ARRB1: variants seen among roughly 807,000 people sequenced by gnomAD.
ARRB1 encodes the protein arrestin beta 1, also known as beta-arrestin-1.
ARRB1 carries 21 observed loss-of-function variants against 56.8 expected under a neutral mutation model. The observed-to-expected ratio is 0.37, with a 90% CI of 0.26 to 0.53. The LOEUF is 0.53. Among genes scored for constraint, ARRB1 ranks in the 20% least tolerant of loss-of-function variants. The pLI is 0.88. For synonymous variants in ARRB1, 210 were observed against 218.6 expected (o/e 0.96, Z 0.35); for missense variants, 424 against 553.7 (o/e 0.77, Z 2.35).
intron 2 of ARRB1, among the ~76,000 whole-genome samples, chr11:75,288,086 T>C (rs1789686): frequency 0.87 from 131,708 of 152,144 alleles, 57,132 homozygotes; most frequent in Non-Finnish European, 0.89. Context: ...TGGTCTCAAA[T>C]TCCTGACCTC....
intron 13 of ARRB1, 67 bp downstream of exon 13, chr11:75,271,634 C>T: frequency 1.3e-6 from 2 of 1,490,304 alleles, no homozygotes; most frequent in Non-Finnish European, 1.8e-6. Flanking sequence ...TGATTCTGGT[C>T]AGTCAAGCCA....
intron 1 of ARRB1, among the ~76,000 whole-genome samples, chr11:75,304,783 G>C (rs922206856): frequency 1.1e-4 from 17 of 151,528 alleles, no homozygotes; most frequent in African/African-American, 3.9e-4. Context: ...GAGAAACCCT[G>C]CTTGGAGCAG....
chr11:75,326,772 A>G (rs1565141314), intron 1 of ARRB1, among the ~76,000 whole-genome samples: 1 of 139,914 alleles, frequency 7.1e-6, no homozygotes, highest in Non-Finnish European at 1.5e-5. Context: ...AGCCCAGGCT[A>G]GAGTGCAGGG....
At chr11:75,326,803 A>G (rs1209518129) in intron 1 of ARRB1, among the ~76,000 whole-genome samples, 2 of 146,796 alleles carry the variant, frequency 1.4e-5, no homozygotes, top group Non-Finnish European at 3.0e-5. Context: ...GGCTCACTAC[A>G]GCTTCAACCT....
intron 1 of ARRB1, among the ~76,000 whole-genome samples, chr11:75,298,254 A>G (rs1191316648): frequency 2.0e-5 from 3 of 152,156 alleles, no homozygotes; most frequent in East Asian, 3.9e-4. Flanking sequence ...AAAAAAAAAA[A>G]AAAAGAAACC....
intron 1 of ARRB1, among the ~76,000 whole-genome samples, chr11:75,349,103 C>T (rs567010979): frequency 6.6e-6 from 1 of 152,202 alleles, no homozygotes; most frequent in Non-Finnish European, 1.5e-5. Flanking sequence ...AGACAAGGTA[C>T]AGCCCATTAC....
intron 10 of ARRB1, among the ~76,000 whole-genome samples, chr11:75,275,775 C>T (rs1490923343): frequency 6.6e-6 from 1 of 152,190 alleles, no homozygotes; most frequent in Non-Finnish European, 1.5e-5. Context: ...GCAGCAGCAA[C>T]CCCAGCCCCA....
Position 75,262,897 on chromosome 11 carries a change from G to C in ARRB1, c.*3266C>G, listed in dbSNP as rs886499500. ...TAGCAGGTCTGAGCTTTGAGGCTGA[G>C]GAGAGGTGCAGCCAAATAACTCAGT... On this transcript the variant is annotated 3_prime_UTR_variant, in exon 16 of 16. Transcript: ENST00000420843. 1.3e-5 allele frequency among the ~76,000 whole-genome samples: 2 copies of C among 152,206 alleles called. No homozygotes were observed. The highest frequency in any genetic ancestry group is 2.9e-5 in the Non-Finnish European group (2 of 68,032).
intron 1 of ARRB1, among the ~76,000 whole-genome samples, chr11:75,310,781 G>C (rs1271180122): frequency 6.6e-6 from 1 of 152,188 alleles, no homozygotes; most frequent in Non-Finnish European, 1.5e-5. Context: ...TTTTAGCTCA[G>C]GTTCATGTGA....
chr11:75,294,413 C>A (rs1459279975), intron 1 of ARRB1, among the ~76,000 whole-genome samples: 1 of 151,752 alleles, frequency 6.6e-6, no homozygotes, highest in African/African-American at 2.4e-5. Flanking sequence ...AAAAATTAGC[C>A]GGACATGGTG....
chr11:75,316,235 G>A (rs1947261758), intron 1 of ARRB1, among the ~76,000 whole-genome samples: 1 of 151,960 alleles, frequency 6.6e-6, no homozygotes, highest in Non-Finnish European at 1.5e-5. Flanking sequence ...GCTGAGGCGG[G>A]AGAATTGCTT....
intron 15 of ARRB1, among the ~76,000 whole-genome samples, chr11:75,267,409 C>T (rs1000875922): frequency 1.3e-5 from 2 of 152,104 alleles, no homozygotes; most frequent in African/African-American, 4.8e-5. Flanking sequence ...GACGGACGGA[C>T]GTGCAAGGAC....
At chr11:75,290,133 G>T in intron 1 of ARRB1, 94 bp from the exon 2 acceptor site, 1 of 1,500,378 alleles carries the variant, frequency 6.7e-7, no homozygotes, top group Non-Finnish European at 9.2e-7. Flanking sequence ...GGGGACCAGG[G>T]CTGGAGTGAC....
intron 1 of ARRB1, among the ~76,000 whole-genome samples, chr11:75,330,460 A>G (rs1390531094): frequency 2.6e-5 from 4 of 152,022 alleles, no homozygotes; most frequent in African/African-American, 7.2e-5. Context: ...CCCTGGCTAT[A>G]TGTAAATGTT....
At chr11:75,339,022 AC>A (rs1389643867) in intron 1 of ARRB1, among the ~76,000 whole-genome samples, 6 of 152,012 alleles carry the variant, frequency 3.9e-5, no homozygotes, top group African/African-American at 1.4e-4. Flanking sequence ...GGAGGGGAGA[AC>A]CCCAGCCTGC....
intron 1 of ARRB1, among the ~76,000 whole-genome samples, chr11:75,343,693 C>T (rs988111156): frequency 1.3e-5 from 2 of 152,164 alleles, no homozygotes; most frequent in Non-Finnish European, 2.9e-5. Flanking sequence ...AGAGCCTAAC[C>T]GCTATGCTAA....
At chr11:75,306,786 C>T (rs961652374) in intron 1 of ARRB1, 10 of 733,446 alleles carry the variant, frequency 1.4e-5, no homozygotes, top group African/African-American at 1.9e-5. Flanking sequence ...TCTCCTCCTC[C>T]GGGCTTCTCG....
intron 1 of ARRB1, among the ~76,000 whole-genome samples, chr11:75,295,993 C>T (rs945143682): frequency 2.6e-5 from 4 of 151,838 alleles, no homozygotes; most frequent in Admixed American, 1.3e-4. Flanking sequence ...GAGACCAGCC[C>T]GGTGAACACA....
chr11:75,330,466 A>G (rs980814525), intron 1 of ARRB1, among the ~76,000 whole-genome samples: 2 of 152,122 alleles, frequency 1.3e-5, no homozygotes, highest in African/African-American at 2.4e-5. Flanking sequence ...CTATATGTAA[A>G]TGTTTATGCC....
Sources: gnomAD v4.1 joint callset for allele counts (sites outside exome capture counted in the v4.1 genomes callset) on GRCh38, gnomAD v4.1.1 for gene constraint, MANE v1.5 for transcripts, NCBI Gene and HGNC (gene_info 2026-07-23, HGNC 2026-07-21) for gene names.